The following AKNAD1 variants were observed in gnomAD, a reference collection of about 807,000 sequenced individuals.
AKNAD1 encodes the protein AKNA domain containing 1, also known as protein AKNAD1.
A neutral mutation model predicts 90.8 loss-of-function variants in AKNAD1; 67 were observed. The ratio of observed to expected loss-of-function variants is 0.74; its 90% CI spans 0.61 to 0.90. AKNAD1 has a LOEUF of 0.90. Among genes scored for constraint, AKNAD1 ranks in the 40% least tolerant of loss-of-function variants. The probability of loss-of-function intolerance (pLI) is 0.00; values close to 1 mark genes in which losing one functional copy is unlikely to be tolerated. For missense variants in AKNAD1, 957 were observed against 975.4 expected (o/e 0.98, Z 0.25); for synonymous variants, 327 against 341.4 (o/e 0.96, Z 0.46).
chr1:108,840,037 C>A, intron 6 of AKNAD1, among the ~76,000 whole-genome samples: 1 of 150,934 alleles, frequency 6.6e-6, no homozygotes. Flanking sequence ...AAAAAAAATG[C>A]TGTCTTTCAC....
At chr1:108,849,116 A>G (rs1308298590) in intron 3 of AKNAD1, 56 bp from the exon 4 acceptor site, 9 of 1,450,296 alleles carry the variant, frequency 6.2e-6, no homozygotes, top group Non-Finnish European at 8.3e-6. Context: ...TCACAGTTTT[A>G]TTAAGTACTG....
rs543039232 is a variant in AKNAD1, at chr1:108,832,046, C to T, written c.1747-1396G>A. Among the ~76,000 whole-genome samples, 5 of 152,118 alleles carry T rather than the reference C, an allele frequency of 3.3e-5. No individual in the cohort carries two copies. In the East Asian group the frequency reaches 5.8e-4, roughly 18 times the overall value. On this transcript the variant is annotated intron_variant, in intron 9 of 15. Coordinates refer to ENST00000370001, the MANE Select transcript of AKNAD1 (RefSeq NM_152763.5). ...TTGTTCATGATGTGCCAGGTGCTTC[C>T]CTTATAGTCTCCTTAATACTTCCAA... is the stretch of plus-strand genomic sequence containing the variant.
In AKNAD1 at chr1:108,848,934, T is replaced by C; in HGVS notation, c.1160A>G (p.Gln387Arg). 1 of 1,606,860 alleles carries C rather than the reference T, an allele frequency of 6.2e-7. No individual in the cohort carries two copies. Among genetic ancestry groups the C allele is most frequent in the South Asian group, 1.1e-5 (1 of 88,882 alleles). The change falls in exon 4 of 16, where the codon CAG (glutamine) becomes CGG (arginine). Residue 387 changes from glutamine (Q) to arginine (R), a missense_variant. Gln to Arg is a conservative substitution (Grantham distance 43). Transcript: ENST00000370001. ...GKQMCQKLKE[Q>R]TDQLKTKVQE... ...TACTTTAGTCTTCAGTTGATCAGTCTGTTCTTTCAACTTCTGACACATCTG... is the reference window on the plus strand; with the variant it reads ...TACTTTAGTCTTCAGTTGATCAGTCCGTTCTTTCAACTTCTGACACATCTG...
At chr1:108,855,412 A>G (rs149628781) in intron 1 of AKNAD1, among the ~76,000 whole-genome samples, 1 of 152,104 alleles carries the variant, frequency 6.6e-6, no homozygotes, top group East Asian at 1.9e-4. Flanking sequence ...ACTCCGTCTC[A>G]AAACAAAAAA....
chr1:108,827,081 T>C, intron 11 of AKNAD1, 124 bp downstream of exon 11: 1 of 707,184 alleles, frequency 1.4e-6, no homozygotes, highest in Non-Finnish European at 2.5e-6. Context: ...AAATACAACA[T>C]GCAACATCCT....
At chr1:108,820,765 AC>A in intron 13 of AKNAD1, 139 bp from the exon 14 acceptor site, 1 of 585,424 alleles carries the variant, frequency 1.7e-6, no homozygotes, top group Non-Finnish European at 3.0e-6. Flanking sequence ...GGAAACATAG[AC>A]AACAAAGAAC....
chr1:108,843,574 G>A (rs1664616617), intron 5 of AKNAD1, among the ~76,000 whole-genome samples: 1 of 152,160 alleles, frequency 6.6e-6, no homozygotes, highest in Non-Finnish European at 1.5e-5. Context: ...CTGTATATTT[G>A]CAGAATGGTT....
chr1:108,828,588 C>T (rs1664087119), intron 10 of AKNAD1, among the ~76,000 whole-genome samples: 1 of 151,832 alleles, frequency 6.6e-6, no homozygotes, highest in Non-Finnish European at 1.5e-5. Context: ...AACACATGCT[C>T]GCCGCGCTGT....
At chr1:108,855,615 A>G (rs1027934646) in intron 1 of AKNAD1, among the ~76,000 whole-genome samples, 1 of 151,072 alleles carries the variant, frequency 6.6e-6, no homozygotes, top group African/African-American at 2.4e-5. Flanking sequence ...GGCAAAACCC[A>G]TTTCTACTAA....
intron 11 of AKNAD1, among the ~76,000 whole-genome samples, chr1:108,824,701 GT>G (rs1379487490): frequency 1.3e-5 from 2 of 151,006 alleles, no homozygotes; most frequent in African/African-American, 4.9e-5. Flanking sequence ...AACCTTCTGT[GT>G]TTTTTTTGTT....
At position 108,816,093 on chromosome 1, in the gene AKNAD1, A is replaced by C. The variant is rs1200439089; in HGVS notation, c.*78T>G. On this transcript the variant is annotated 3_prime_UTR_variant, in exon 16 of 16. Transcript: ENST00000370001. The stretch of plus-strand genomic sequence containing the variant: ...AAGTCATCTTCCTAAATTGTGTAGT[A>C]AGTAAAATACATTTTGGGGGAAGAT... 1 of 1,411,002 alleles carries C rather than the reference A, an allele frequency of 7.1e-7. No homozygotes were observed. The highest frequency in any genetic ancestry group is 9.4e-7 in the Non-Finnish European group (1 of 1,067,182). The allele number at this position is 1,411,002 out of a possible 1,614,324, so 87.4% of individuals were successfully genotyped here.
At chr1:108,854,436 G>C (rs914612467) in intron 1 of AKNAD1, among the ~76,000 whole-genome samples, 3 of 152,102 alleles carry the variant, frequency 2.0e-5, no homozygotes, top group African/African-American at 4.8e-5. Context: ...TCTATAAGCT[G>C]GTGATTTATT....
chr1:108,817,757 G>C (rs1457330490), intron 14 of AKNAD1, among the ~76,000 whole-genome samples: 1 of 150,608 alleles, frequency 6.6e-6, no homozygotes, highest in African/African-American at 2.4e-5. Context: ...CGCCCGCCTC[G>C]GCCTCCCAAA....
Position 108,823,670 on chromosome 1 carries a change from C to G in AKNAD1, c.1955G>C (p.Ser652Thr). 1 of 1,614,066 alleles carries G rather than the reference C, an allele frequency of 6.2e-7. No individual in the cohort carries two copies. The highest frequency in any genetic ancestry group is 8.5e-7 in the Non-Finnish European group (1 of 1,179,976). Residue 652 changes from serine to threonine, a missense_variant, in exon 12 of 16, where the codon AGC becomes ACC. Transcript: ENST00000370001. ...DSTPNSDTGH[S>T]FCSDSGTEMQ... ...TTCAGTGCCAGAATCAGAACAGAAG[C>G]TGTGTCCTGTATCAGAATCTGAAAA... is the stretch of plus-strand genomic sequence containing the variant.
At chr1:108,822,669 T>C (rs964694176) in intron 13 of AKNAD1, among the ~76,000 whole-genome samples, 7 of 152,190 alleles carry the variant, frequency 4.6e-5, no homozygotes, top group African/African-American at 1.7e-4. Context: ...GCTCTGAAGG[T>C]ATGAGGCCAA....
At chr1:108,837,297 C>A in intron 7 of AKNAD1, 1 of 362,518 alleles carries the variant, frequency 2.8e-6, no homozygotes, top group East Asian at 4.3e-5. Context: ...AATAGCTCTT[C>A]GGTGGTTTAA....
chr1:108,828,631 G>A (rs1324817546), intron 10 of AKNAD1, among the ~76,000 whole-genome samples: 3 of 151,828 alleles, frequency 2.0e-5, no homozygotes, highest in Non-Finnish European at 2.9e-5. Flanking sequence ...GAAGGGATGG[G>A]GCTGCGGGTT....
chr1:108,825,340 A>G (rs1365597072), intron 11 of AKNAD1, among the ~76,000 whole-genome samples: 1 of 151,394 alleles, frequency 6.6e-6, no homozygotes, highest in Non-Finnish European at 1.5e-5. Flanking sequence ...TAGCTAATAC[A>G]CTCACTCACA....
rs1385765491 is a variant in AKNAD1 at position 108,827,960 on chromosome 1, A to G, written c.1839-658T>C. Among the ~76,000 whole-genome samples the G allele has an allele frequency of 2.0e-5, 3 of 151,574 alleles. No individual in the cohort carries two copies. In the Admixed American group the frequency reaches 2.0e-4, roughly 10 times the overall value. The stretch of plus-strand genomic sequence containing the variant: ...TTTGGAGTTTTCCTCATGCATCAAA[A>G]TCCATTCCAGGCTGGGTATGGTGGC... On this transcript the variant is annotated intron_variant, in intron 10 of 15. Coordinates refer to ENST00000370001, the MANE Select transcript of AKNAD1 (RefSeq NM_152763.5).
Sources: allele counts gnomAD v4.1 joint callset (sites outside exome capture counted in the v4.1 genomes callset), GRCh38; gene constraint gnomAD v4.1.1; transcripts MANE v1.5; gene names NCBI Gene and HGNC (gene_info 2026-07-23, HGNC 2026-07-21).